The following HERC3 variants were observed in gnomAD, a reference collection of about 807,000 sequenced individuals.
The protein encoded by HERC3 is probable E3 ubiquitin-protein ligase HERC3.
In HERC3, 58 loss-of-function variants were observed where a neutral mutation model predicts 129.9. The observed-to-expected ratio is 0.45, with a 90% CI of 0.36 to 0.56. The LOEUF (loss-of-function observed/expected upper bound fraction) is 0.56. Ranked by LOEUF, HERC3 falls within the 20% of genes least tolerant of loss-of-function variation. HERC3 has a pLI of 0.00. For missense variants in HERC3, 835 were observed against 1,244.2 expected (o/e 0.67, Z 4.95); for synonymous variants, 430 against 451.0 (o/e 0.95, Z 0.59).
chr4:88,660,346 C>T (rs976541150), intron 10 of HERC3, among the ~76,000 whole-genome samples: 3 of 152,012 alleles, frequency 2.0e-5, no homozygotes, highest in Non-Finnish European at 1.5e-5. Flanking sequence ...GGATTACAGG[C>T]GTCCGCTACC....
chr4:88,625,492 T>G (rs1002542938), intron 3 of HERC3, among the ~76,000 whole-genome samples: 14 of 152,212 alleles, frequency 9.2e-5, no homozygotes, highest in African/African-American at 3.4e-4. Flanking sequence ...TTGTTAGTAT[T>G]TAGAAATATG....
chr4:88,640,781 A>G (rs958196625), intron 3 of HERC3, among the ~76,000 whole-genome samples: 4 of 152,226 alleles, frequency 2.6e-5, no homozygotes, highest in African/African-American at 9.6e-5. Flanking sequence ...TAGGAATCCC[A>G]AATGTGTGTA....
chr4:88,678,555 A>G (rs1732412379), intron 19 of HERC3, among the ~76,000 whole-genome samples: 1 of 152,226 alleles, frequency 6.6e-6, no homozygotes, highest in East Asian at 1.9e-4. Flanking sequence ...TTGGCCTATT[A>G]TGAGAGGCAC....
intron 22 of HERC3, 40 bp downstream of exon 22, chr4:88,686,842 CTCT>C: frequency 7.3e-7 from 1 of 1,363,998 alleles, no homozygotes. Context: ...GTGGCTGTCT[CTCT>C]TACCATCTTT....
the HERC3 span, among the ~76,000 whole-genome samples, chr4:88,564,306 A>T: frequency 6.6e-6 from 1 of 152,212 alleles, no homozygotes; most frequent in Admixed American, 6.5e-5. Context: ...GCCTCACAGA[A>T]TGAGTTTGGA....
rs948578958 is a variant in HERC3, at chr4:88,629,586, T to C, written c.227-20254T>C. 3.9e-5 allele frequency among the ~76,000 whole-genome samples: 6 copies of C among 152,190 alleles called. No individual in the cohort carries two copies. The East Asian group carries it at 1.2e-3, about 29-fold the overall frequency. ...ATACAACTGCTAGATCAAAAGACAT[T>C]CAAAATTCTAAGGCTGGTGGTATGT... On this transcript the variant is annotated intron_variant, in intron 3 of 25. Coordinates refer to ENST00000402738, the MANE Select transcript of HERC3 (RefSeq NM_014606.3).
rs762487811 is a variant in HERC3 at position 88,678,053 on chromosome 4, C to G, written c.2115C>G (p.His705Gln). The G allele has an allele frequency of 5.0e-6, 8 of 1,613,954 alleles. No individual in the cohort carries two copies. The highest frequency in any genetic ancestry group is 6.8e-6 in the Non-Finnish European group (8 of 1,179,946). ...CCAGAAGCCCCTTCCTGGTCCTTCACGTTCGCAGGAACAACCTTGTTGGAG... is the reference window on the plus strand; with the variant it reads ...CCAGAAGCCCCTTCCTGGTCCTTCAGGTTCGCAGGAACAACCTTGTTGGAG... ...LLARSPFLVLHVRRNNLVGDA... is the reference protein window; with the variant it reads ...LLARSPFLVLQVRRNNLVGDA... The change falls in exon 19 of 26, where the codon CAC becomes CAG. Residue 705 changes from histidine to glutamine, a missense_variant. Physicochemically the swap from His to Gln is conservative, Grantham distance 24 (BLOSUM62 0). Transcript: ENST00000402738.
At position 88,597,246 on chromosome 4, in the gene HERC3, G is replaced by C. The variant is rs189596332; in HGVS notation, c.-30+1632G>C. On this transcript the variant is annotated intron_variant, in intron 2 of 25. Coordinates refer to ENST00000402738, the MANE Select transcript of HERC3 (RefSeq NM_014606.3). ...TTAAAATAAAATATTAACTATTTCAGTTCTTCACTTGTATTAGTCACATTT... is the reference window on the plus strand; with the variant it reads ...TTAAAATAAAATATTAACTATTTCACTTCTTCACTTGTATTAGTCACATTT... Among the ~76,000 whole-genome samples, 13 of 152,232 alleles carry C rather than the reference G, an allele frequency of 8.5e-5. No individual in the cohort carries two copies. The East Asian group carries it at 1.2e-3, about 14-fold the overall frequency.
the HERC3 span, among the ~76,000 whole-genome samples, chr4:88,559,265 C>CT: frequency 2.6e-4 from 39 of 152,046 alleles, no homozygotes; most frequent in Admixed American, 6.6e-4. Flanking sequence ...CACATAGTTA[C>CT]TTTTTTTTGT....
the HERC3 span, chr4:88,527,471 G>A: frequency 6.0e-6 from 1 of 168,034 alleles, no homozygotes; most frequent in African/African-American, 2.4e-5. Flanking sequence ...ATGTTGCCCA[G>A]GCTGGTCTTG....
At chr4:88,561,879 T>G in the HERC3 span, among the ~76,000 whole-genome samples, 1 of 152,196 alleles carries the variant, frequency 6.6e-6, no homozygotes, top group Non-Finnish European at 1.5e-5. Flanking sequence ...CTACATTTTC[T>G]TTATCCATTC....
intron 21 of HERC3, among the ~76,000 whole-genome samples, chr4:88,682,648 G>A (rs1246914387): frequency 6.6e-6 from 1 of 152,064 alleles, no homozygotes; most frequent in African/African-American, 2.4e-5. Flanking sequence ...CAAAGGACAT[G>A]AACTCATCAT....
intron 1 of HERC3, among the ~76,000 whole-genome samples, chr4:88,594,796 G>T (rs1187137421): frequency 6.6e-6 from 1 of 152,088 alleles, no homozygotes; most frequent in Admixed American, 6.6e-5. Flanking sequence ...GTAATGAAAA[G>T]GGAAAGACCG....
At chr4:88,535,082 T>C in the HERC3 span, among the ~76,000 whole-genome samples, 1 of 152,220 alleles carries the variant, frequency 6.6e-6, no homozygotes, top group African/African-American at 2.4e-5. Flanking sequence ...AAAAAATAGA[T>C]AATTTTTACC....
chr4:88,686,891 T>C (rs1733537911), intron 22 of HERC3, 89 bp downstream of exon 22: 4 of 1,027,292 alleles, frequency 3.9e-6, no homozygotes, highest in Non-Finnish European at 6.0e-6. Flanking sequence ...CTTCAAATCA[T>C]AGAAAAAAGT....
At chr4:88,698,776 T>G (rs1431340390) in intron 23 of HERC3, among the ~76,000 whole-genome samples, 3 of 143,826 alleles carry the variant, frequency 2.1e-5, no homozygotes, top group Non-Finnish European at 4.6e-5. Context: ...CGCACTGACT[T>G]ATGCCCCACC....
At chr4:88,698,629 G>T (rs979519592) in intron 23 of HERC3, among the ~76,000 whole-genome samples, 1 of 148,776 alleles carries the variant, frequency 6.7e-6, no homozygotes, top group Non-Finnish European at 1.5e-5. Flanking sequence ...CTTGGTTAAA[G>T]CATGTGCCAT....
chr4:88,641,213 G>A (rs2869934), intron 3 of HERC3, among the ~76,000 whole-genome samples: 6,017 of 152,250 alleles, frequency 0.04, 348 homozygotes, highest in East Asian at 0.27. Flanking sequence ...AATAATCAAT[G>A]AGTCAAAGAG....
At chr4:88,683,963 A>G (rs2924362) in intron 21 of HERC3, among the ~76,000 whole-genome samples, 6,702 of 152,262 alleles carry the variant, frequency 0.044, 398 homozygotes, top group East Asian at 0.27. Context: ...GCTCAAAGAA[A>G]TAAGAGACAA....
Sources: gnomAD v4.1 joint callset for allele counts (sites outside exome capture counted in the v4.1 genomes callset) on GRCh38, gnomAD v4.1.1 for gene constraint, MANE v1.5 for transcripts, NCBI Gene and HGNC (gene_info 2026-07-23, HGNC 2026-07-21) for gene names.